SLC4A10: variants seen among roughly 807,000 people sequenced by gnomAD.
SLC4A10 encodes the protein sodium-driven chloride bicarbonate exchanger.
Under a neutral mutation model 137.7 loss-of-function variants are expected in SLC4A10, and 42 were observed. That is an observed-to-expected ratio of 0.30 (90% CI 0.24 to 0.39). The LOEUF (loss-of-function observed/expected upper bound fraction) is 0.39, where lower values mean the gene tolerates loss of function less well. Among genes scored for constraint, SLC4A10 ranks in the 10% least tolerant of loss-of-function variants. The pLI is 1.00. For missense variants in SLC4A10, 925 were observed against 1,355.0 expected, an observed-to-expected ratio of 0.68 and a Z score of 4.98; for synonymous variants, 474 against 464.1, an observed-to-expected ratio of 1.02 and a Z score of -0.27.
At chr2:161,756,909 G>C (rs2049719859) in intron 1 of SLC4A10, among the ~76,000 whole-genome samples, 1 of 152,126 alleles carries the variant, frequency 6.6e-6, no homozygotes, top group Non-Finnish European at 1.5e-5. Context: ...GATCTGGAAT[G>C]TTATTTTGTC....
At chr2:161,837,256 T>G (rs760542851) in intron 3 of SLC4A10, among the ~76,000 whole-genome samples, 1 of 152,172 alleles carries the variant, frequency 6.6e-6, no homozygotes, top group Non-Finnish European at 1.5e-5. Context: ...TTAATAAGGT[T>G]GAAGGATACA....
chr2:161,690,439 A>G (rs2041863535), intron 1 of SLC4A10, among the ~76,000 whole-genome samples: 1 of 152,200 alleles, frequency 6.6e-6, no homozygotes, highest in Non-Finnish European at 1.5e-5. Context: ...CAATCCCATT[A>G]CTGGCTACAT....
At chr2:161,722,663 G>A (rs1260509197) in intron 1 of SLC4A10, among the ~76,000 whole-genome samples, 2 of 152,158 alleles carry the variant, frequency 1.3e-5, no homozygotes, top group East Asian at 1.9e-4. Flanking sequence ...TGGGATCAGG[G>A]ACTCACTTAA....
At chr2:161,906,843 A>T (rs917353147) in intron 15 of SLC4A10, among the ~76,000 whole-genome samples, 1 of 152,130 alleles carries the variant, frequency 6.6e-6, no homozygotes, top group African/African-American at 2.4e-5. Context: ...TCACGAGGTC[A>T]GGAGATCGAG....
At chr2:161,942,645 T>C in intron 15 of SLC4A10, 147 bp from the exon 16 acceptor site, 1 of 613,288 alleles carries the variant, frequency 1.6e-6, no homozygotes, top group East Asian at 2.8e-5. Context: ...AAATAGTCTG[T>C]TGTGGAGTAG....
At chr2:161,947,082 A>G (rs770075159) in intron 16 of SLC4A10, among the ~76,000 whole-genome samples, 20 of 152,130 alleles carry the variant, frequency 1.3e-4, no homozygotes, top group Admixed American at 1.3e-3. Context: ...TGAGGCCACA[A>G]CAAATTATTT....
intron 2 of SLC4A10, among the ~76,000 whole-genome samples, chr2:161,791,755 A>G (rs2054238416): frequency 6.6e-6 from 1 of 152,188 alleles, no homozygotes; most frequent in Admixed American, 6.6e-5. Context: ...ATTTTGATAT[A>G]TAATTGATTT....
Position 161,806,654 on chromosome 2 carries a change from A to G in SLC4A10, c.277+2059A>G, listed in dbSNP as rs186798592. On this transcript the variant is annotated intron_variant, in intron 3 of 26. Transcript: ENST00000446997. ...AGAGTCACCTTTGCTCCAGTTCCCA[A>G]CACGTTCTTCATCTCCACCTGAGAC... 1.2e-3 allele frequency among the ~76,000 whole-genome samples: 177 copies of G among 152,188 alleles called. 3 individuals carry two copies. In the Middle Eastern group the frequency reaches 0.017, roughly 15 times the overall value.
Position 161,916,253 on chromosome 2 carries a change from C to T in SLC4A10, c.1997+10366C>T, listed in dbSNP as rs116242969. Among the ~76,000 whole-genome samples the T allele has an allele frequency of 4.4e-3, 666 of 152,280 alleles. 6 individuals carry two copies. Among genetic ancestry groups the T allele is most frequent in the Non-Finnish European group, 7.8e-3 (531 of 68,014 alleles). On this transcript the variant is annotated intron_variant, in intron 15 of 26. Transcript: ENST00000446997. ...TGGGCAAACTCTTGCAACTCTTTCCCCCTCAGTAAATGACAATCCCATCCT... is the reference window on the plus strand; with the variant it reads ...TGGGCAAACTCTTGCAACTCTTTCCTCCTCAGTAAATGACAATCCCATCCT...
intron 2 of SLC4A10, among the ~76,000 whole-genome samples, chr2:161,801,627 A>G (rs7604275): frequency 0.067 from 10,250 of 152,158 alleles, 408 homozygotes; most frequent in African/African-American, 0.11. Flanking sequence ...GCTTTCTTCA[A>G]CAGTTAAGAC....
At chr2:161,625,102 TG>T (rs2032032639) in intron 1 of SLC4A10, among the ~76,000 whole-genome samples, 1 of 147,250 alleles carries the variant, frequency 6.8e-6, no homozygotes, top group African/African-American at 2.5e-5. Context: ...TGTGTGTGTG[TG>T]TGTGTGTGTT....
intron 1 of SLC4A10, among the ~76,000 whole-genome samples, chr2:161,696,837 G>C (rs550329082): frequency 6.6e-6 from 1 of 152,216 alleles, no homozygotes; most frequent in African/African-American, 2.4e-5. Context: ...CCCATTGCTG[G>C]ATCAAATGGT....
chr2:161,858,278 A>G (rs988461980), intron 5 of SLC4A10, among the ~76,000 whole-genome samples: 1 of 152,072 alleles, frequency 6.6e-6, no homozygotes, highest in Non-Finnish European at 1.5e-5. Flanking sequence ...TGACCCAGAT[A>G]TTGTTTTGTA....
intron 16 of SLC4A10, among the ~76,000 whole-genome samples, chr2:161,943,281 T>G (rs1693079981): frequency 6.6e-6 from 1 of 152,104 alleles, no homozygotes; most frequent in African/African-American, 2.4e-5. Flanking sequence ...CCGGATCTGC[T>G]GGGGGGAAAG....
intron 2 of SLC4A10, among the ~76,000 whole-genome samples, chr2:161,784,562 A>G (rs888932653): frequency 7.2e-5 from 11 of 152,030 alleles, no homozygotes; most frequent in African/African-American, 2.4e-4. Context: ...TCTGACTACA[A>G]TGGAATGTGA....
At chr2:161,703,667 T>G (rs1334676030) in intron 1 of SLC4A10, among the ~76,000 whole-genome samples, 1 of 151,686 alleles carries the variant, frequency 6.6e-6, no homozygotes, top group African/African-American at 2.4e-5. Context: ...ACAGTTTTAC[T>G]GATGATGAGG....
chr2:161,627,706 T>C (rs961852531), intron 1 of SLC4A10, among the ~76,000 whole-genome samples: 5 of 152,128 alleles, frequency 3.3e-5, no homozygotes, highest in Middle Eastern at 3.2e-3. Context: ...TTTTGTAGAC[T>C]CTAATCACTC....
At chr2:161,700,817 T>A (rs941011820) in intron 1 of SLC4A10, among the ~76,000 whole-genome samples, 5 of 152,116 alleles carry the variant, frequency 3.3e-5, no homozygotes, top group African/African-American at 1.2e-4. Flanking sequence ...TAACAGGTTC[T>A]GCTCTACGCG....
At chr2:161,958,419 T>C in intron 20 of SLC4A10, 68 bp from the exon 21 acceptor site, 1 of 1,358,476 alleles carries the variant, frequency 7.4e-7, no homozygotes, top group Non-Finnish European at 1.0e-6. Flanking sequence ...GTTTTTTTCT[T>C]TGATAAATGC....
Sources: gnomAD v4.1 joint callset for allele counts (sites outside exome capture counted in the v4.1 genomes callset) on GRCh38, gnomAD v4.1.1 for gene constraint, MANE v1.5 for transcripts, NCBI Gene and HGNC (gene_info 2026-07-23, HGNC 2026-07-21) for gene names.